The following TNFSF13B variants were observed in gnomAD, a reference collection of about 807,000 sequenced individuals.
TNFSF13B encodes tumor necrosis factor ligand superfamily member 13B.
TNFSF13B carries 8 observed loss-of-function variants against 29.1 expected under a neutral mutation model. The ratio of observed to expected loss-of-function variants is 0.27; its 90% CI spans 0.16 to 0.50. The LOEUF (loss-of-function observed/expected upper bound fraction) is 0.50, where lower values mean the gene tolerates loss of function less well. Ranked by LOEUF, TNFSF13B falls within the 20% of genes least tolerant of loss-of-function variation. The probability of loss-of-function intolerance (pLI) is 0.98; values close to 1 mark genes in which losing one functional copy is unlikely to be tolerated. For missense variants in TNFSF13B, 248 were observed against 334.9 expected, an observed-to-expected ratio of 0.74 and a Z score of 2.03; for synonymous variants, 125 against 130.8, an observed-to-expected ratio of 0.96 and a Z score of 0.30.
intron 3 of TNFSF13B, among the ~76,000 whole-genome samples, chr13:108,287,622 A>G (rs1184249457): frequency 6.6e-6 from 1 of 152,220 alleles, no homozygotes; most frequent in Non-Finnish European, 1.5e-5. Flanking sequence ...ACTCAAGACC[A>G]TCTTCACAAA....
chr13:108,281,917 T>G (rs1880968362), intron 2 of TNFSF13B, among the ~76,000 whole-genome samples: 2 of 149,332 alleles, frequency 1.3e-5, no homozygotes, highest in Admixed American at 6.7e-5. Flanking sequence ...TCTTTAAGTG[T>G]TTTTTTTTTC....
At chr13:108,284,099 G>T (rs1881042501) in intron 2 of TNFSF13B, among the ~76,000 whole-genome samples, 1 of 152,172 alleles carries the variant, frequency 6.6e-6, no homozygotes, top group Non-Finnish European at 1.5e-5. Flanking sequence ...GGGAGGCGAG[G>T]TGGGCGGTTC....
At chr13:108,280,596 C>G (rs1880914459) in intron 2 of TNFSF13B, among the ~76,000 whole-genome samples, 1 of 151,978 alleles carries the variant, frequency 6.6e-6, no homozygotes, top group Non-Finnish European at 1.5e-5. Context: ...TTGAAATATT[C>G]TAACATAATT....
rs138957191 is a variant in TNFSF13B, at chr13:108,284,352, A to G, written c.425-2451A>G. ...TCAAAAAATAAATAAATAAATAAAT[A>G]AATGAATAAATAAACAAACAAACAA... On this transcript the variant is annotated intron_variant, in intron 2 of 5. Transcript: ENST00000375887. Among the ~76,000 whole-genome samples the G allele has an allele frequency of 5.0e-3, 494 of 98,786 alleles. 1 individual carries two copies. Among genetic ancestry groups the G allele is most frequent in the African/African-American group, 0.012 (418 of 35,114 alleles). 64.8% of individuals were successfully genotyped at this position (98,786 alleles called of 152,430 possible). A position where few individuals can be genotyped will look rare whatever the true frequency, so the allele number is the denominator to read the frequency against.
At chr13:108,291,489 A>C (rs184535494) in intron 3 of TNFSF13B, among the ~76,000 whole-genome samples, 1 of 151,988 alleles carries the variant, frequency 6.6e-6, no homozygotes, top group East Asian at 1.9e-4. Flanking sequence ...TTCAAATGCT[A>C]TGATAAATAG....
chr13:108,294,666 G>A (rs901462445), intron 3 of TNFSF13B, among the ~76,000 whole-genome samples: 10 of 147,630 alleles, frequency 6.8e-5, no homozygotes, highest in Admixed American at 6.7e-4. Context: ...GGTTGATTCT[G>A]GCCTGTAGTT....
At chr13:108,283,807 C>G (rs993923398) in intron 2 of TNFSF13B, among the ~76,000 whole-genome samples, 3 of 152,150 alleles carry the variant, frequency 2.0e-5, no homozygotes, top group Non-Finnish European at 4.4e-5. Context: ...TCACTGGGTT[C>G]TCACGTGGGG....
chr13:108,305,723 A>G (rs1170041651), intron 5 of TNFSF13B, among the ~76,000 whole-genome samples: 1 of 152,114 alleles, frequency 6.6e-6, no homozygotes, highest in Non-Finnish European at 1.5e-5. Flanking sequence ...TGCCCATTAC[A>G]AAAAAGCATA....
chr13:108,294,289 C>T (rs527854094), intron 3 of TNFSF13B, among the ~76,000 whole-genome samples: 19 of 151,576 alleles, frequency 1.3e-4, no homozygotes, highest in African/African-American at 3.9e-4. Flanking sequence ...AAGTGATTCT[C>T]GCACCTCAGC....
chr13:108,279,867 G>A (rs1198222385), intron 2 of TNFSF13B, among the ~76,000 whole-genome samples: 1 of 151,922 alleles, frequency 6.6e-6, no homozygotes, highest in African/African-American at 2.4e-5. Flanking sequence ...TGTTAATTTT[G>A]TCCGTGATGC....
intron 3 of TNFSF13B, among the ~76,000 whole-genome samples, chr13:108,296,257 A>T (rs1265267781): frequency 6.9e-6 from 1 of 145,742 alleles, no homozygotes; most frequent in South Asian, 2.1e-4. Flanking sequence ...ATATCTGCTT[A>T]TATCTTGAGG....
At chr13:108,273,251 A>G (rs1022579810) in intron 2 of TNFSF13B, among the ~76,000 whole-genome samples, 8 of 152,046 alleles carry the variant, frequency 5.3e-5, no homozygotes, top group African/African-American at 1.7e-4. Context: ...TTTTCAATAA[A>G]CCTATTGGAA....
intron 2 of TNFSF13B, among the ~76,000 whole-genome samples, chr13:108,274,813 T>A (rs1880721266): frequency 6.6e-6 from 1 of 152,186 alleles, no homozygotes; most frequent in African/African-American, 2.4e-5. Flanking sequence ...ATTTATTAAT[T>A]GTCTACATGT....
Position 108,270,221 on chromosome 13 carries a change from C to T in TNFSF13B, c.326C>T (p.Thr109Ile), listed in dbSNP as rs753258977. 2 of 1,604,846 alleles carry T rather than the reference C, an allele frequency of 1.2e-6. No individual in the cohort carries two copies. The highest frequency in any genetic ancestry group is 3.3e-5 in the Admixed American group (2 of 59,752). The change falls in exon 1 of 6, where the codon ACC (threonine) becomes ATC (isoleucine). Residue 109 changes from threonine to isoleucine, a missense_variant. Physicochemically the swap from Thr to Ile is moderately conservative, Grantham distance 89. Around this residue, in one of 2 missense-constraint regions of TNFSF13B, gnomAD observed 186 missense variants for 196.3 expected, o/e 0.95. Transcript: ENST00000375887. ...KAGLEEAPAV[T>I]AGLKIFEPPA... Reference sequence around the variant, plus strand: ...GGCCTGGAGGAAGCTCCAGCTGTCACCGCGGGACTGAAAGTGAGTTTGCAG... The same window carrying T: ...GGCCTGGAGGAAGCTCCAGCTGTCATCGCGGGACTGAAAGTGAGTTTGCAG...
chr13:108,281,104 G>C (rs186788168), intron 2 of TNFSF13B, among the ~76,000 whole-genome samples: 11 of 152,224 alleles, frequency 7.2e-5, no homozygotes, highest in African/African-American at 2.6e-4. Context: ...AAATTAGCCA[G>C]GTGTGGTGGC....
intron 2 of TNFSF13B, among the ~76,000 whole-genome samples, chr13:108,283,534 T>C (rs1881023284): frequency 1.3e-5 from 2 of 152,202 alleles, no homozygotes; most frequent in African/African-American, 4.8e-5. Context: ...TAAGTTTTAA[T>C]TGGGCTGTGG....
At chr13:108,274,348 C>A (rs1301742626) in intron 2 of TNFSF13B, among the ~76,000 whole-genome samples, 1 of 117,400 alleles carries the variant, frequency 8.5e-6, no homozygotes, top group Admixed American at 9.4e-5. Context: ...AATATATGTA[C>A]AAATATATAC....
chr13:108,300,178 G>C (rs1282223941), intron 3 of TNFSF13B, among the ~76,000 whole-genome samples: 5 of 151,868 alleles, frequency 3.3e-5, no homozygotes, highest in African/African-American at 1.2e-4. Context: ...TCAGTAACTT[G>C]GTATTAAAAT....
chr13:108,294,343 C>T (rs535981286), intron 3 of TNFSF13B, among the ~76,000 whole-genome samples: 2 of 152,138 alleles, frequency 1.3e-5, no homozygotes, highest in Non-Finnish European at 2.9e-5. Context: ...CCACACCCAG[C>T]TAATTTTTGT....
Sources: allele counts gnomAD v4.1 joint callset (sites outside exome capture counted in the v4.1 genomes callset), GRCh38; gene constraint gnomAD v4.1.1; regional missense constraint gnomAD v4.1.1; transcripts MANE v1.5; gene names NCBI Gene and HGNC (gene_info 2026-07-23, HGNC 2026-07-21).